The following MED27 variants were observed in gnomAD, a reference collection of about 807,000 sequenced individuals.
MED27 encodes the protein mediator of RNA polymerase II transcription subunit 27.
In MED27, 30 loss-of-function variants were observed where a neutral mutation model predicts 38.2. That is an observed-to-expected ratio of 0.79 (90% confidence interval 0.59 to 1.07). The LOEUF is 1.07. MED27 is among the 50% of genes least tolerant of loss of function. MED27 has a pLI of 0.00. For missense variants in MED27, 289 were observed against 397.5 expected (o/e 0.73, Z 2.32); for synonymous variants, 122 against 153.5 (o/e 0.79, Z 1.52).
Position 132,077,548 on chromosome 9 carries a change from G to A in MED27, c.242C>T (p.Ser81Phe). Residue 81 changes from serine to phenylalanine, a missense_variant, in exon 2 of 8, where the codon TCT becomes TTT. Physicochemically the swap from Ser to Phe is radical, Grantham distance 155 (BLOSUM62 -2). Coordinates refer to ENST00000292035, the MANE Select transcript of MED27 (RefSeq NM_004269.4). ...ERLSNLVGKP[S>F]ENHPLHNSGL... ...ACTGTTATGAAGAGGATGGTTCTCA[G>A]ATGGCTTGCCTACCAGATTGCTCAG... The A allele has an allele frequency of 6.2e-7, 1 of 1,614,154 alleles. No individual in the cohort carries two copies. Among genetic ancestry groups the A allele is most frequent in the Non-Finnish European group, 8.5e-7 (1 of 1,180,020 alleles).
chr9:132,073,652 G>T (rs992878793), intron 2 of MED27: 4 of 1,462,264 alleles, frequency 2.7e-6, no homozygotes, highest in Admixed American at 6.1e-5. Context: ...TAAGCAACTG[G>T]ATTCTAATAA....
At chr9:131,881,267 TGA>T (rs1203976472) in intron 6 of MED27, among the ~76,000 whole-genome samples, 2 of 152,224 alleles carry the variant, frequency 1.3e-5, no homozygotes, top group African/African-American at 4.8e-5. Flanking sequence ...CATTGAAGGC[TGA>T]GACTTTTTGC....
At chr9:131,995,419 A>G (rs774005546) in intron 3 of MED27, among the ~76,000 whole-genome samples, 2 of 152,156 alleles carry the variant, frequency 1.3e-5, no homozygotes, top group Non-Finnish European at 2.9e-5. Context: ...TAACCCATCT[A>G]CCAATGACAG....
At chr9:132,053,650 C>T (rs1459302032) in intron 2 of MED27, among the ~76,000 whole-genome samples, 2 of 152,196 alleles carry the variant, frequency 1.3e-5, no homozygotes, top group African/African-American at 4.8e-5. Context: ...CAGAAGCAGG[C>T]TGTGGAACCA....
chr9:132,072,625 G>A (rs1267966596), intron 2 of MED27, among the ~76,000 whole-genome samples: 1 of 152,052 alleles, frequency 6.6e-6, no homozygotes, highest in Admixed American at 6.5e-5. Flanking sequence ...CTATACTACA[G>A]CCAAACTCAC....
At chr9:132,072,659 T>A (rs1469693757) in intron 2 of MED27, among the ~76,000 whole-genome samples, 1 of 151,928 alleles carries the variant, frequency 6.6e-6, no homozygotes, top group East Asian at 1.9e-4. Flanking sequence ...TCATTTTGAG[T>A]GATGGGGTGC....
intron 2 of MED27, among the ~76,000 whole-genome samples, chr9:132,023,806 CA>C (rs1176247313): frequency 1.3e-5 from 2 of 151,880 alleles, no homozygotes; most frequent in Non-Finnish European, 1.5e-5. Context: ...GTCAGAAAAA[CA>C]AAAAAGTATA....
intron 2 of MED27, among the ~76,000 whole-genome samples, chr9:132,075,365 T>C (rs1315620812): frequency 6.6e-6 from 1 of 152,178 alleles, no homozygotes; most frequent in African/African-American, 2.4e-5. Context: ...AACATGGTTC[T>C]TTTACAGATG....
chr9:131,900,789 C>G (rs1829929472), intron 4 of MED27, among the ~76,000 whole-genome samples: 1 of 151,844 alleles, frequency 6.6e-6, no homozygotes, highest in Admixed American at 6.6e-5. Flanking sequence ...TAAAAAGAAG[C>G]CAACTATTTA....
rs1315623264 is a variant in MED27 at position 131,913,076 on chromosome 9, G to A, written c.574-19084C>T. On this transcript the variant is annotated intron_variant, in intron 4 of 7. Coordinates refer to ENST00000292035, the MANE Select transcript of MED27 (RefSeq NM_004269.4). The surrounding 1 kb of genome is among the most constrained non-coding windows in gnomAD (Gnocchi z 4.5). Reference sequence around the variant, plus strand: ...AATCATTTGATAACGCTTGTGTGAAGGAAGAAAATAGAACTGGGAAAGTCA... The same window carrying A: ...AATCATTTGATAACGCTTGTGTGAAAGAAGAAAATAGAACTGGGAAAGTCA... 1.3e-5 allele frequency among the ~76,000 whole-genome samples: 2 copies of A among 152,208 alleles called. No individual in the cohort carries two copies. The highest frequency in any genetic ancestry group is 2.9e-5 in the Non-Finnish European group (2 of 68,028).
At chr9:131,873,148 C>T (rs963473894) in intron 6 of MED27, among the ~76,000 whole-genome samples, 6 of 152,160 alleles carry the variant, frequency 3.9e-5, no homozygotes, top group African/African-American at 1.4e-4. Flanking sequence ...AGGAGAGGGA[C>T]AGTAGGAATC....
chr9:131,952,738 C>T (rs1831024224), intron 3 of MED27, among the ~76,000 whole-genome samples: 1 of 152,120 alleles, frequency 6.6e-6, no homozygotes, highest in African/African-American at 2.4e-5. Flanking sequence ...CTCCACGCAG[C>T]TCTCTCTCTC....
intron 3 of MED27, among the ~76,000 whole-genome samples, chr9:131,957,935 A>C (rs1276868872): frequency 6.6e-6 from 1 of 151,618 alleles, no homozygotes; most frequent in Non-Finnish European, 1.5e-5. Flanking sequence ...AGACACATTT[A>C]ATCTAGAGTG....
chr9:131,976,764 C>CACA (rs976263615), intron 3 of MED27, among the ~76,000 whole-genome samples: 57 of 152,298 alleles, frequency 3.7e-4, no homozygotes, highest in African/African-American at 1.3e-3. Flanking sequence ...AAAATAGCTA[C>CACA]CAAAAGACAT....
chr9:131,892,192 A>T (rs1221434397), intron 5 of MED27, among the ~76,000 whole-genome samples: 1 of 152,196 alleles, frequency 6.6e-6, no homozygotes, highest in African/African-American at 2.4e-5. Context: ...GGGGAAGACA[A>T]GAAAGAAGGA....
intron 3 of MED27, among the ~76,000 whole-genome samples, chr9:131,965,961 G>A (rs1363835556): frequency 6.6e-6 from 1 of 151,062 alleles, no homozygotes; most frequent in Non-Finnish European, 1.5e-5. Flanking sequence ...CCAAGCATCA[G>A]CAAGACAGCA....
rs192364714 is a variant in MED27 at position 132,039,043 on chromosome 9, C to T, written c.349-24576G>A. 2.2e-3 allele frequency among the ~76,000 whole-genome samples: 331 copies of T among 152,322 alleles called. 1 individual carries two copies. Among genetic ancestry groups the T allele is most frequent in the Admixed American group, 3.6e-3 (55 of 15,296 alleles). On this transcript the variant is annotated intron_variant, in intron 2 of 7. Transcript: ENST00000292035. ...CATTATGGCTTCAAATGCAATTAAACACTATGATTTTGGTCTCTTTGCCTT... is the reference window on the plus strand; with the variant it reads ...CATTATGGCTTCAAATGCAATTAAATACTATGATTTTGGTCTCTTTGCCTT...
chr9:131,894,520 G>A (rs1290725893), intron 4 of MED27, among the ~76,000 whole-genome samples: 1 of 152,006 alleles, frequency 6.6e-6, no homozygotes, highest in Non-Finnish European at 1.5e-5. Context: ...AAGTCAGGAG[G>A]TAAAAGGAAA....
chr9:132,062,781 T>G (rs1833727004), intron 2 of MED27, among the ~76,000 whole-genome samples: 1 of 152,050 alleles, frequency 6.6e-6, no homozygotes, highest in South Asian at 2.1e-4. Context: ...ACCACCACAC[T>G]TGGCAGATAT....
Sources: gnomAD v4.1 joint callset for allele counts (sites outside exome capture counted in the v4.1 genomes callset) on GRCh38, gnomAD v4.1.1 for gene constraint, Gnocchi (gnomAD v3.1) non-coding constraint, MANE v1.5 for transcripts, NCBI Gene and HGNC (gene_info 2026-07-23, HGNC 2026-07-21) for gene names.